Variants in PTPRT observed in about 807,000 individuals in gnomAD.
The protein encoded by PTPRT is receptor-type tyrosine-protein phosphatase T.
PTPRT carries 56 observed loss-of-function variants against 176.8 expected under a neutral mutation model. That is an observed-to-expected ratio of 0.32 (90% confidence interval 0.26 to 0.40). The LOEUF (loss-of-function observed/expected upper bound fraction) is 0.40. Among genes scored for constraint, PTPRT ranks in the 10% least tolerant of loss-of-function variants. PTPRT has a pLI of 1.00. For synonymous variants in PTPRT, 783 were observed against 739.0 expected, an observed-to-expected ratio of 1.06 and a Z score of -0.96; for missense variants, 1,540 against 1,908.2, an observed-to-expected ratio of 0.81 and a Z score of 3.60.
chr20:43,171,201 G>A (rs951309452), intron 1 of PTPRT, among the ~76,000 whole-genome samples: 2 of 152,032 alleles, frequency 1.3e-5, no homozygotes, highest in African/African-American at 4.8e-5. Flanking sequence ...TGAGATTTCT[G>A]AATGACAGAT....
intron 1 of PTPRT, among the ~76,000 whole-genome samples, chr20:42,897,316 T>A (rs2079319782): frequency 6.6e-6 from 1 of 152,192 alleles, no homozygotes; most frequent in Non-Finnish European, 1.5e-5. Flanking sequence ...ATTTGGTTCT[T>A]TTTCTGTGAG....
At chr20:42,099,461 G>T (rs1302401325) in intron 26 of PTPRT, among the ~76,000 whole-genome samples, 1 of 147,500 alleles carries the variant, frequency 6.8e-6, no homozygotes, top group African/African-American at 2.5e-5. Flanking sequence ...GCACATGCTA[G>T]ACAGTGCCAC....
intron 27 of PTPRT, among the ~76,000 whole-genome samples, chr20:42,089,645 A>T (rs1258123438): frequency 6.6e-6 from 1 of 152,010 alleles, no homozygotes; most frequent in Non-Finnish European, 1.5e-5. Flanking sequence ...TCTAATCCTA[A>T]ATCAGAGTCA....
At chr20:42,394,832 A>G (rs1014000045) in intron 9 of PTPRT, among the ~76,000 whole-genome samples, 4 of 152,346 alleles carry the variant, frequency 2.6e-5, no homozygotes, top group Admixed American at 2.0e-4. Context: ...AAGATGAGGG[A>G]GCTGGCTAAA....
At position 42,173,222 on chromosome 20, in the gene PTPRT, G is replaced by C. The variant is rs529714374; in HGVS notation, c.2492-11680C>G. Among the ~76,000 whole-genome samples the C allele has an allele frequency of 3.9e-5, 6 of 152,252 alleles. No homozygotes were observed. The South Asian group carries it at 1.2e-3, about 32-fold the overall frequency. On this transcript the variant is annotated intron_variant, in intron 16 of 30. Transcript: ENST00000373187. ...AGCAAAGCATCAGTCTATGGACTTA[G>C]TTCCCTAAGAGCTGAGGCAGAGTTA...
chr20:42,156,794 C>T (rs1989375004), intron 17 of PTPRT, among the ~76,000 whole-genome samples: 1 of 152,162 alleles, frequency 6.6e-6, no homozygotes, highest in Admixed American at 6.5e-5. Context: ...CACATCTCAC[C>T]ACCTCCTCTG....
At chr20:42,522,447 T>C (rs2072193348) in intron 7 of PTPRT, among the ~76,000 whole-genome samples, 1 of 152,018 alleles carries the variant, frequency 6.6e-6, no homozygotes, top group African/African-American at 2.4e-5. Context: ...TTTGATTTTC[T>C]GGAGGGGTGT....
At chr20:42,587,883 T>TGGAC (rs1367089839) in intron 7 of PTPRT, among the ~76,000 whole-genome samples, 1 of 152,172 alleles carries the variant, frequency 6.6e-6, no homozygotes, top group African/African-American at 2.4e-5. Context: ...TGGGTGACTT[T>TGGAC]GGGCAAATTA....
chr20:42,831,584 A>C (rs113861033), intron 2 of PTPRT, among the ~76,000 whole-genome samples: 49 of 152,296 alleles, frequency 3.2e-4, no homozygotes, highest in African/African-American at 1.1e-3. Flanking sequence ...TCAACAGAGT[A>C]AACAGACAAC....
At chr20:42,437,807 T>C (rs1349757570) in intron 9 of PTPRT, among the ~76,000 whole-genome samples, 3 of 152,148 alleles carry the variant, frequency 2.0e-5, no homozygotes, top group Non-Finnish European at 4.4e-5. Flanking sequence ...GAACAGAGGC[T>C]CCAAATGTCC....
intron 15 of PTPRT, among the ~76,000 whole-genome samples, chr20:42,224,230 A>G (rs567613538): frequency 6.6e-6 from 1 of 152,358 alleles, no homozygotes; most frequent in South Asian, 2.1e-4. Context: ...GGAGATAATC[A>G]TGGTGGAGGT....
intron 1 of PTPRT, among the ~76,000 whole-genome samples, chr20:43,017,130 C>T (rs950502811): frequency 6.6e-6 from 1 of 152,202 alleles, no homozygotes; most frequent in Admixed American, 6.5e-5. Context: ...CAGGATCTGT[C>T]CACCACTCTA....
rs1451336248 is a variant in PTPRT, at chr20:42,528,432, T to TA, written c.1154-55871dup. ...AATGGATAAATGAATATCCATTCAT[T>TA]ATCCATTCATCTAATAAATGGATAA... is the stretch of plus-strand genomic sequence containing the variant. On this transcript the variant is annotated intron_variant, in intron 7 of 30. Transcript: ENST00000373187. 5.3e-5 allele frequency among the ~76,000 whole-genome samples: 8 copies of TA among 151,882 alleles called. No individual in the cohort carries two copies. In the South Asian group the frequency reaches 1.2e-3, roughly 24 times the overall value.
chr20:42,418,870 T>C (rs1266880495), intron 9 of PTPRT, among the ~76,000 whole-genome samples: 1 of 152,168 alleles, frequency 6.6e-6, no homozygotes, highest in Non-Finnish European at 1.5e-5. Context: ...ATGAATCTCC[T>C]ATCTCCTCTT....
chr20:42,132,444 C>G (rs895331696), intron 18 of PTPRT, among the ~76,000 whole-genome samples: 6 of 152,044 alleles, frequency 3.9e-5, no homozygotes, highest in African/African-American at 1.2e-4. Context: ...GGACTTGTAT[C>G]AAAAATACAC....
chr20:42,473,637 A>G (rs1198697928), intron 7 of PTPRT, among the ~76,000 whole-genome samples: 1 of 151,996 alleles, frequency 6.6e-6, no homozygotes, highest in Non-Finnish European at 1.5e-5. Flanking sequence ...TGCTTGGCTA[A>G]TTTTTTATTT....
chr20:42,436,809 G>A (rs887198051), intron 9 of PTPRT, among the ~76,000 whole-genome samples: 1 of 152,212 alleles, frequency 6.6e-6, no homozygotes, highest in Non-Finnish European at 1.5e-5. Flanking sequence ...TGAAAGTTTT[G>A]TAGTATCTTC....
At chr20:42,634,008 TA>T (rs2074508560) in intron 7 of PTPRT, among the ~76,000 whole-genome samples, 2 of 13,700 alleles carry the variant, frequency 1.5e-4, no homozygotes, top group Non-Finnish European at 2.0e-4. Flanking sequence ...ATTATATATA[TA>T]TAATATATAT....
At chr20:42,108,740 A>AATG (rs1353084253) in intron 23 of PTPRT, among the ~76,000 whole-genome samples, 12 of 152,316 alleles carry the variant, frequency 7.9e-5, no homozygotes, top group Middle Eastern at 3.4e-3. Flanking sequence ...GGCAGAGAAT[A>AATG]ATGATATATT....
Sources: allele counts gnomAD v4.1 joint callset (sites outside exome capture counted in the v4.1 genomes callset), GRCh38; gene constraint gnomAD v4.1.1; transcripts MANE v1.5; gene names NCBI Gene and HGNC (gene_info 2026-07-23, HGNC 2026-07-21).